ANKRD18A: variants seen among roughly 807,000 people sequenced by gnomAD.
The protein encoded by ANKRD18A is ankyrin repeat domain-containing protein 18A.
Under a neutral mutation model 110.6 loss-of-function variants are expected in ANKRD18A, and 72 were observed. The ratio of observed to expected loss-of-function variants is 0.65; its 90% CI spans 0.54 to 0.79. The LOEUF (loss-of-function observed/expected upper bound fraction) is 0.79, where lower values mean the gene tolerates loss of function less well. Ranked by LOEUF, ANKRD18A falls within the 30% of genes least tolerant of loss-of-function variation. The probability of loss-of-function intolerance (pLI) is 0.00; values close to 1 mark genes in which losing one functional copy is unlikely to be tolerated. For missense variants in ANKRD18A, 934 were observed against 1,163.3 expected, an observed-to-expected ratio of 0.80 and a Z score of 2.87; for synonymous variants, 305 against 410.3, an observed-to-expected ratio of 0.74 and a Z score of 3.10.
At chr9:38,588,890 A>T (rs1419840244) in intron 10 of ANKRD18A, among the ~76,000 whole-genome samples, 1 of 152,236 alleles carries the variant, frequency 6.6e-6, no homozygotes, top group Admixed American at 6.5e-5. Context: ...TTAAACTGCC[A>T]AAAATGTTTG....
chr9:38,584,042 G>A (rs1472574467), intron 12 of ANKRD18A, among the ~76,000 whole-genome samples: 1 of 152,336 alleles, frequency 6.6e-6, no homozygotes, highest in East Asian at 1.9e-4. Flanking sequence ...ATGCAGAGGA[G>A]GAGCCTGGCC....
chr9:38,606,782 C>T (rs1825378656), intron 6 of ANKRD18A, among the ~76,000 whole-genome samples: 1 of 152,112 alleles, frequency 6.6e-6, no homozygotes, highest in South Asian at 2.1e-4. Context: ...ATTTGCATAA[C>T]AAGTCCAATG....
Position 38,591,883 on chromosome 9 carries a change from T to C in ANKRD18A, c.2004+1877A>G, listed in dbSNP as rs1207897136. 2.6e-5 allele frequency among the ~76,000 whole-genome samples: 4 copies of C among 152,294 alleles called. No homozygotes were observed. The East Asian group carries it at 7.7e-4, about 29-fold the overall frequency. On this transcript the variant is annotated intron_variant, in intron 10 of 15. Coordinates refer to ENST00000399703, the MANE Select transcript of ANKRD18A (RefSeq NM_147195.4). ...CCCTGGACTCTATTGCTAAATCAAG[T>C]CTTCTGAATCAGTTCCCTCCCAGCA...
intron 15 of ANKRD18A, among the ~76,000 whole-genome samples, chr9:38,574,945 T>C (rs138995300): frequency 6.6e-6 from 1 of 151,916 alleles, no homozygotes; most frequent in Non-Finnish European, 1.5e-5. Context: ...AATACAAAAA[T>C]TAGCCAGGTG....
chr9:38,585,403 G>T (rs986704835), intron 12 of ANKRD18A, among the ~76,000 whole-genome samples: 3 of 152,056 alleles, frequency 2.0e-5, no homozygotes, highest in African/African-American at 7.2e-5. Flanking sequence ...CTTTTAGGCT[G>T]AGCCAATGTA....
At chr9:38,584,259 C>T (rs1824280974) in intron 12 of ANKRD18A, among the ~76,000 whole-genome samples, 1 of 152,212 alleles carries the variant, frequency 6.6e-6, no homozygotes, top group Non-Finnish European at 1.5e-5. Flanking sequence ...TGCATCAATA[C>T]CTGCTACAGC....
At chr9:38,619,275 T>A (rs1315962286) in intron 1 of ANKRD18A, among the ~76,000 whole-genome samples, 3 of 152,112 alleles carry the variant, frequency 2.0e-5, no homozygotes, top group Non-Finnish European at 4.4e-5. Context: ...CGACATAAAG[T>A]TTCATTAGTT....
chr9:38,605,155 A>G (rs1470284158), intron 6 of ANKRD18A, among the ~76,000 whole-genome samples: 1 of 152,238 alleles, frequency 6.6e-6, no homozygotes, highest in Non-Finnish European at 1.5e-5. Flanking sequence ...GCACTATTTC[A>G]GGTAGTAAAT....
chr9:38,619,705 A>G (rs1826004400), intron 1 of ANKRD18A, among the ~76,000 whole-genome samples: 1 of 152,186 alleles, frequency 6.6e-6, no homozygotes, highest in Admixed American at 6.5e-5. Context: ...AAGCTCCAGT[A>G]AAGAACCTGT....
chr9:38,585,552 T>C (rs916277215), intron 12 of ANKRD18A, among the ~76,000 whole-genome samples: 1 of 152,228 alleles, frequency 6.6e-6, no homozygotes, highest in Non-Finnish European at 1.5e-5. Flanking sequence ...ACAGTCACCA[T>C]ACTGGCTCAG....
intron 15 of ANKRD18A, among the ~76,000 whole-genome samples, chr9:38,574,457 C>T (rs748260460): frequency 6.6e-6 from 1 of 152,080 alleles, no homozygotes; most frequent in Non-Finnish European, 1.5e-5. Context: ...TGTGGGATTA[C>T]AGGTGCCTGC....
chr9:38,591,395 C>T (rs1371446725), intron 10 of ANKRD18A, among the ~76,000 whole-genome samples: 1 of 152,152 alleles, frequency 6.6e-6, no homozygotes, highest in African/African-American at 2.4e-5. Context: ...GTCTCCGGTT[C>T]TTTATCTATG....
chr9:38,601,215 C>T lies in ANKRD18A; in HGVS notation c.863-11G>A, dbSNP rs748574915. 7.1e-6 allele frequency: 11 copies of T among 1,549,924 alleles called. No individual in the cohort carries two copies. The South Asian group carries it at 1.3e-4, about 19-fold the overall frequency. On this transcript the variant is annotated splice_polypyrimidine_tract_variant and intron_variant, in intron 7 of 15. Transcript: ENST00000399703. Reference sequence around the variant, plus strand: ...TTAGGTTGTGTTCTGCTGACAAATCCATATGTTTAGTTAAAATGAATGATT... The same window carrying T: ...TTAGGTTGTGTTCTGCTGACAAATCTATATGTTTAGTTAAAATGAATGATT...
At chr9:38,570,329 C>T (rs746812787), downstream of ANKRD18A, among the ~76,000 whole-genome samples, 1 of 152,178 alleles carries the variant, frequency 6.6e-6, no homozygotes, top group South Asian at 2.1e-4. Context: ...CAGTCCCCAG[C>T]TGACTGAGCC....
At chr9:38,570,863 A>C (rs558225109), downstream of ANKRD18A, among the ~76,000 whole-genome samples, 50 of 152,322 alleles carry the variant, frequency 3.3e-4, no homozygotes, top group African/African-American at 1.1e-3. Context: ...CTCAAAGGAG[A>C]CAATGAGGTG....
downstream of ANKRD18A, chr9:38,568,641 T>C (rs1186560268): frequency 7.4e-6 from 6 of 812,870 alleles, no homozygotes; most frequent in Non-Finnish European, 8.9e-6. Flanking sequence ...AGGTGGCTGG[T>C]TGCTCTTTGA....
intron 10 of ANKRD18A, among the ~76,000 whole-genome samples, chr9:38,591,125 C>G (rs1824629740): frequency 1.3e-5 from 2 of 151,488 alleles, no homozygotes; most frequent in Non-Finnish European, 2.9e-5. Context: ...CATGCCCCAG[C>G]TGTTTAATTT....
At chr9:38,584,200 G>C (rs890813832) in intron 12 of ANKRD18A, among the ~76,000 whole-genome samples, 19 of 152,110 alleles carry the variant, frequency 1.2e-4, no homozygotes, top group Non-Finnish European at 2.2e-4. Context: ...AATTTTTCCT[G>C]GTCATGAGAG....
downstream of ANKRD18A, chr9:38,567,811 C>T (rs1315167033): frequency 1.3e-5 from 2 of 152,220 alleles, no homozygotes; most frequent in East Asian, 3.9e-4. Flanking sequence ...AGCTGGCCAC[C>T]TTCTGATGCT....
Sources: gnomAD v4.1 joint callset for allele counts (sites outside exome capture counted in the v4.1 genomes callset) on GRCh38, gnomAD v4.1.1 for gene constraint, MANE v1.5 for transcripts, NCBI Gene and HGNC (gene_info 2026-07-23, HGNC 2026-07-21) for gene names.